MRPS27: variants seen among roughly 807,000 people sequenced by gnomAD.
MRPS27 encodes the protein mitochondrial ribosomal protein S27, also known as small ribosomal subunit protein mS27.
Under a neutral mutation model 48.9 loss-of-function variants are expected in MRPS27, and 43 were observed. The ratio of observed to expected loss-of-function variants is 0.88; its 90% CI spans 0.69 to 1.13. The LOEUF (loss-of-function observed/expected upper bound fraction) is 1.13, where lower values mean the gene tolerates loss of function less well. Ranked by LOEUF, MRPS27 falls within the 50% of genes most tolerant of loss-of-function variation. The pLI is 0.00. For synonymous variants in MRPS27, 188 were observed against 171.9 expected (o/e 1.09, Z -0.73); for missense variants, 467 against 476.3 (o/e 0.98, Z 0.18).
chr5:72,243,489 A>T (rs1426461805), intron 4 of MRPS27, among the ~76,000 whole-genome samples: 1 of 152,234 alleles, frequency 6.6e-6, no homozygotes, highest in Non-Finnish European at 1.5e-5. Flanking sequence ...GTACTTAAAA[A>T]AAGAGGGCAG....
At position 72,307,350 on chromosome 5, in the gene MRPS27, GAAAAT is replaced by G. The variant is rs545948713; in HGVS notation, c.151+6726_151+6730del. Among the ~76,000 whole-genome samples, 631 of 152,098 alleles carry G rather than the reference GAAAAT, an allele frequency of 4.1e-3. 5 individuals carry two copies. The highest frequency in any genetic ancestry group is 0.014 in the African/African-American group (596 of 41,482). ...CTGGGCGACAAGAGCAAGGCTCTAA[GAAAAT>G]AAAATAAAATAAGAAAGAGAGTATC... On this transcript the variant is annotated intron_variant, in intron 2 of 10. Transcript: ENST00000261413.
intron 4 of MRPS27, 81 bp downstream of exon 4, chr5:72,295,450 A>C (rs1580107850): frequency 1.3e-5 from 13 of 1,033,586 alleles, no homozygotes; most frequent in Non-Finnish European, 1.0e-5. Context: ...TGTCAAAATT[A>C]TACACAACAT....
At chr5:72,253,164 T>C (rs552094055) in intron 4 of MRPS27, among the ~76,000 whole-genome samples, 94 of 152,182 alleles carry the variant, frequency 6.2e-4, no homozygotes, top group Admixed American at 1.2e-3. Flanking sequence ...GCTTAGGTTG[T>C]AGCTTTCTTT....
At chr5:72,289,794 A>G (rs1749772029) in intron 4 of MRPS27, among the ~76,000 whole-genome samples, 1 of 152,210 alleles carries the variant, frequency 6.6e-6, no homozygotes, top group Admixed American at 6.5e-5. Flanking sequence ...TTCAGGAATG[A>G]CTGTTACGTT....
intron 4 of MRPS27, among the ~76,000 whole-genome samples, chr5:72,254,540 T>C (rs1389927511): frequency 6.6e-6 from 1 of 152,208 alleles, no homozygotes; most frequent in Non-Finnish European, 1.5e-5. Flanking sequence ...TGTGGAGCCT[T>C]TGCTTTACAT....
chr5:72,220,836 C>T lies in MRPS27; in HGVS notation c.*73G>A. 9 of 1,579,578 alleles carry T rather than the reference C, an allele frequency of 5.7e-6. No individual in the cohort carries two copies. Among genetic ancestry groups the T allele is most frequent in the Non-Finnish European group, 6.0e-6 (7 of 1,164,256 alleles). On this transcript the variant is annotated 3_prime_UTR_variant, in exon 11 of 11. Coordinates refer to ENST00000261413, the MANE Select transcript of MRPS27 (RefSeq NM_015084.3). ...GGTAGAGGAAGCTGAGGCTGTTGTC[C>T]AGGCCACTGCTGAGTCCTGGCACGG...
intron 2 of MRPS27, among the ~76,000 whole-genome samples, chr5:72,298,708 G>C: frequency 9.7e-6 from 1 of 102,926 alleles, no homozygotes; most frequent in African/African-American, 3.9e-5. Context: ...GCGAGACTCC[G>C]TCTCAAAAAA....
intron 4 of MRPS27, among the ~76,000 whole-genome samples, chr5:72,245,999 C>A (rs1748502896): frequency 6.6e-6 from 1 of 152,146 alleles, no homozygotes; most frequent in Non-Finnish European, 1.5e-5. Flanking sequence ...CAATCCAATT[C>A]ATAGCTAGTT....
chr5:72,255,408 GC>G (rs1489990670), intron 4 of MRPS27, among the ~76,000 whole-genome samples: 3 of 152,064 alleles, frequency 2.0e-5, no homozygotes, highest in Non-Finnish European at 4.4e-5. Flanking sequence ...GATAAGAATA[GC>G]AGAAGTGGAT....
intron 4 of MRPS27, among the ~76,000 whole-genome samples, chr5:72,289,382 T>A (rs754510468): frequency 6.6e-6 from 1 of 152,180 alleles, no homozygotes; most frequent in African/African-American, 2.4e-5. Context: ...ATTCCCTACA[T>A]GTTTGCTAAA....
At position 72,308,893 on chromosome 5, in the gene MRPS27, G is replaced by C. The variant is rs1368695219; in HGVS notation, c.151+5188C>G. Among the ~76,000 whole-genome samples the C allele has an allele frequency of 2.6e-5, 4 of 152,192 alleles. No homozygotes were observed. In the East Asian group the frequency reaches 7.7e-4, roughly 29 times the overall value. ...ACAAGGGGCTTAGGGACTCCTCAGTGCACATATTTCTGAAGCACCTGCATG... is the reference window on the plus strand; with the variant it reads ...ACAAGGGGCTTAGGGACTCCTCAGTCCACATATTTCTGAAGCACCTGCATG... On this transcript the variant is annotated intron_variant, in intron 2 of 10. Transcript: ENST00000261413.
At chr5:72,238,579 C>G (rs1334007966) in intron 4 of MRPS27, among the ~76,000 whole-genome samples, 1 of 152,168 alleles carries the variant, frequency 6.6e-6, no homozygotes, top group Non-Finnish European at 1.5e-5. Flanking sequence ...AGTGATACTT[C>G]CTGTGGCTCT....
At chr5:72,267,708 ACATTTTGT>A (rs1328383374) in intron 4 of MRPS27, among the ~76,000 whole-genome samples, 1 of 152,230 alleles carries the variant, frequency 6.6e-6, no homozygotes, top group Non-Finnish European at 1.5e-5. Context: ...CTCCAGAAAT[ACATTTTGT>A]CCAAAGTAAA....
intron 10 of MRPS27, among the ~76,000 whole-genome samples, chr5:72,223,342 T>C (rs1747803407): frequency 6.6e-6 from 1 of 152,168 alleles, no homozygotes; most frequent in African/African-American, 2.4e-5. Flanking sequence ...GATGGAGAAA[T>C]GGCCAGATAC....
chr5:72,288,884 T>C (rs992157955), intron 4 of MRPS27: 1 of 152,204 alleles, frequency 6.6e-6, no homozygotes, highest in African/African-American at 2.4e-5. Flanking sequence ...AACGAATGCA[T>C]GCTGTTCCCT....
At chr5:72,228,513 A>G (rs1044856067) in intron 7 of MRPS27, 145 bp from the exon 8 acceptor site, 3 of 493,194 alleles carry the variant, frequency 6.1e-6, no homozygotes, top group Non-Finnish European at 1.0e-5. Flanking sequence ...TTATAATCCT[A>G]ATTTTGGGAT....
intron 6 of MRPS27, among the ~76,000 whole-genome samples, chr5:72,233,379 G>A (rs187638991): frequency 1.9e-3 from 285 of 152,200 alleles, no homozygotes; most frequent in African/African-American, 6.6e-3. Context: ...TTTCCTTTCT[G>A]TAGTTACTTG....
intron 2 of MRPS27, among the ~76,000 whole-genome samples, chr5:72,312,436 C>T (rs113308324): frequency 6.6e-6 from 1 of 151,324 alleles, no homozygotes; most frequent in African/African-American, 2.4e-5. Context: ...GCCAGTATAC[C>T]GCATCTCTAC....
At chr5:72,272,082 C>A (rs1221881130) in intron 4 of MRPS27, among the ~76,000 whole-genome samples, 2 of 152,170 alleles carry the variant, frequency 1.3e-5, no homozygotes, top group East Asian at 3.8e-4. Flanking sequence ...CTGGGATTCC[C>A]CCCCCATCTC....
Sources: gnomAD v4.1 joint callset for allele counts (sites outside exome capture counted in the v4.1 genomes callset) on GRCh38, gnomAD v4.1.1 for gene constraint, MANE v1.5 for transcripts, NCBI Gene and HGNC (gene_info 2026-07-23, HGNC 2026-07-21) for gene names.